Variants in KIAA1328 observed in about 807,000 individuals in gnomAD.
KIAA1328 encodes the protein KIAA1328.
KIAA1328 carries 52 observed loss-of-function variants against 68.1 expected under a neutral mutation model. The ratio of observed to expected loss-of-function variants is 0.76; its 90% CI spans 0.61 to 0.96. The LOEUF is 0.96. Among genes scored for constraint, KIAA1328 ranks in the 40% least tolerant of loss-of-function variants. KIAA1328 has a pLI of 0.00. For missense variants in KIAA1328, 641 were observed against 677.6 expected (o/e 0.95, Z 0.60); for synonymous variants, 232 against 239.4 (o/e 0.97, Z 0.28).
rs894094403 is a variant in KIAA1328 at position 37,039,361 on chromosome 18, T to C, written c.577-27529T>C. On this transcript the variant is annotated intron_variant, in intron 6 of 9. Transcript: ENST00000280020. Reference sequence around the variant, plus strand: ...GTTTTTTCTTTTGTGGAAATGTTTTTTTCAATACCAATTCAGTTTTTTCTT... The same window carrying C: ...GTTTTTTCTTTTGTGGAAATGTTTTCTTCAATACCAATTCAGTTTTTTCTT... 3.2e-4 allele frequency among the ~76,000 whole-genome samples: 48 copies of C among 152,220 alleles called. 1 individual carries two copies. Among genetic ancestry groups the C allele is most frequent in the African/African-American group, 1.1e-3 (47 of 41,556 alleles).
chr18:37,151,097 A>G (rs2059018629), intron 7 of KIAA1328, among the ~76,000 whole-genome samples: 1 of 152,226 alleles, frequency 6.6e-6, no homozygotes. Flanking sequence ...ACACAATCAC[A>G]GAATGCAAAT....
chr18:37,153,516 G>A (rs1288616320), intron 7 of KIAA1328, among the ~76,000 whole-genome samples: 5 of 148,266 alleles, frequency 3.4e-5, no homozygotes, highest in Non-Finnish European at 6.0e-5. Context: ...ATAAACGCAT[G>A]TTTTTCCCTC....
At chr18:37,022,250 G>A (rs963019308) in intron 6 of KIAA1328, among the ~76,000 whole-genome samples, 7 of 151,964 alleles carry the variant, frequency 4.6e-5, no homozygotes, top group African/African-American at 1.5e-4. Flanking sequence ...AGAGTGTCTG[G>A]TTAAATTTCT....
Position 36,885,551 on chromosome 18 carries a change from T to G in KIAA1328, c.333-6T>G. The G allele has an allele frequency of 6.9e-7, 1 of 1,448,358 alleles. No homozygotes were observed. The highest frequency in any genetic ancestry group is 9.3e-7 in the Non-Finnish European group (1 of 1,076,722). The allele number at this position is 1,448,358 out of a possible 1,614,324, so 89.7% of individuals were successfully genotyped here. The stretch of plus-strand genomic sequence containing the variant: ...GATGTTAAAGGTTTTTTTTTTTTTA[T>G]TTCAGAGTAAGTGAGGAAAAGGAAG... On this transcript the variant is annotated splice_polypyrimidine_tract_variant and splice_region_variant and intron_variant, in intron 4 of 9. Transcript: ENST00000280020.
intron 6 of KIAA1328, among the ~76,000 whole-genome samples, chr18:37,040,542 T>A (rs1193574610): frequency 6.6e-6 from 1 of 152,196 alleles, no homozygotes; most frequent in East Asian, 1.9e-4. Context: ...TTTCATTGAT[T>A]TTTTTCCAAT....
At chr18:36,883,952 G>GTATATGTGTATGTATATATATATATATA (rs540895118) in intron 4 of KIAA1328, among the ~76,000 whole-genome samples, 1 of 120,804 alleles carries the variant, frequency 8.3e-6, no homozygotes, top group African/African-American at 3.3e-5. Context: ...TATTTATAAA[G>GTATATGTGTATGTATATATATATATATA]TATATATATA....
At chr18:37,049,011 T>C (rs754156894) in intron 6 of KIAA1328, among the ~76,000 whole-genome samples, 6 of 152,182 alleles carry the variant, frequency 3.9e-5, no homozygotes, top group Admixed American at 1.3e-4. Context: ...CCATACAGTA[T>C]ATTGGAGAGG....
intron 6 of KIAA1328, among the ~76,000 whole-genome samples, chr18:37,057,412 T>C (rs1466544057): frequency 1.3e-5 from 2 of 150,602 alleles, no homozygotes; most frequent in African/African-American, 4.9e-5. Flanking sequence ...TTCATGAAAT[T>C]GGAAAATTGC....
intron 7 of KIAA1328, among the ~76,000 whole-genome samples, chr18:37,139,894 G>A (rs1240325700): frequency 2.6e-5 from 4 of 152,060 alleles, no homozygotes; most frequent in East Asian, 3.8e-4. Context: ...ATGCTTATTC[G>A]GAGGATCAGA....
rs1001992482 is a variant in KIAA1328 at position 37,224,818 on chromosome 18, GC to G, written c.*2594del. ...GCGTTGCGGATAGTGCCTCACCATT[GC>G]CCACCCTGCTGCCCAACTCCTGTGA... On this transcript the variant is annotated 3_prime_UTR_variant, in exon 10 of 10. Coordinates refer to ENST00000280020, the MANE Select transcript of KIAA1328 (RefSeq NM_020776.3). The G allele has an allele frequency of 2.6e-5, 26 of 985,406 alleles. No individual in the cohort carries two copies. Among genetic ancestry groups the G allele is most frequent in the Non-Finnish European group, 3.0e-5 (25 of 829,958 alleles). 61.0% of individuals were successfully genotyped at this position (985,406 alleles called of 1,614,324 possible).
At chr18:37,006,701 A>G (rs949243625) in intron 6 of KIAA1328, among the ~76,000 whole-genome samples, 1 of 151,938 alleles carries the variant, frequency 6.6e-6, no homozygotes, top group Admixed American at 6.6e-5. Flanking sequence ...CCGGTGTGTG[A>G]TGTTCCCCTT....
chr18:36,884,706 C>T (rs1306095446), intron 4 of KIAA1328, among the ~76,000 whole-genome samples: 1 of 152,104 alleles, frequency 6.6e-6, no homozygotes, highest in African/African-American at 2.4e-5. Flanking sequence ...TAAGTGCATT[C>T]TATGAGCTTT....
At chr18:36,946,307 G>A (rs1028242063) in intron 5 of KIAA1328, 1 of 152,164 alleles carries the variant, frequency 6.6e-6, no homozygotes, top group African/African-American at 2.4e-5. Flanking sequence ...TTAAAGGGAG[G>A]AAGCAAAGGA....
chr18:37,028,012 A>G (rs930657759), intron 6 of KIAA1328, among the ~76,000 whole-genome samples: 1 of 152,234 alleles, frequency 6.6e-6, no homozygotes, highest in Non-Finnish European at 1.5e-5. Flanking sequence ...ACAAATTTAC[A>G]AGAAAAAAAC....
intron 6 of KIAA1328, among the ~76,000 whole-genome samples, chr18:37,036,630 C>T (rs1486147390): frequency 2.0e-5 from 3 of 152,202 alleles, no homozygotes; most frequent in Non-Finnish European, 2.9e-5. Context: ...TCACAGCCAC[C>T]TGCTCTTTTT....
intron 3 of KIAA1328, among the ~76,000 whole-genome samples, chr18:36,841,262 A>AT: frequency 6.6e-6 from 1 of 151,936 alleles, no homozygotes; most frequent in East Asian, 2.0e-4. Flanking sequence ...ATATTGCTTT[A>AT]TTTTTTACAG....
At chr18:37,130,026 C>T (rs1468732016) in intron 7 of KIAA1328, among the ~76,000 whole-genome samples, 1 of 151,872 alleles carries the variant, frequency 6.6e-6, no homozygotes, top group Non-Finnish European at 1.5e-5. Flanking sequence ...ATTAGTAAAG[C>T]GAGATATGAG....
chr18:37,111,906 A>G (rs1422193175), intron 7 of KIAA1328, among the ~76,000 whole-genome samples: 3 of 152,188 alleles, frequency 2.0e-5, no homozygotes, highest in African/African-American at 7.2e-5. Context: ...TCCCATGCCC[A>G]CAGAGCCTCA....
chr18:37,168,734 G>A (rs2059438136), intron 8 of KIAA1328, among the ~76,000 whole-genome samples: 1 of 152,072 alleles, frequency 6.6e-6, no homozygotes, highest in South Asian at 2.1e-4. Context: ...GCCCCTGGAG[G>A]CAAGAAGGAA....
Sources: gnomAD v4.1 joint callset for allele counts (sites outside exome capture counted in the v4.1 genomes callset) on GRCh38, gnomAD v4.1.1 for gene constraint, MANE v1.5 for transcripts, NCBI Gene and HGNC (gene_info 2026-07-23, HGNC 2026-07-21) for gene names.